CBLB: variants seen among roughly 807,000 people sequenced by gnomAD.
CBLB encodes Cbl proto-oncogene B.
Under a neutral mutation model 104.9 loss-of-function variants are expected in CBLB, and 31 were observed. The observed-to-expected ratio is 0.30, with a 90% CI of 0.22 to 0.40. The LOEUF is 0.40. CBLB is among the 10% of genes least tolerant of loss of function. The pLI, the probability that CBLB is intolerant of heterozygous loss-of-function variation, is 1.00. For synonymous variants in CBLB, 440 were observed against 422.6 expected (o/e 1.04, Z -0.51); for missense variants, 1,062 against 1,214.6 (o/e 0.87, Z 1.87).
intron 4 of CBLB, among the ~76,000 whole-genome samples, chr3:105,757,744 T>C (rs540271825): frequency 1.3e-4 from 20 of 152,350 alleles, no homozygotes; most frequent in Non-Finnish European, 2.5e-4. Context: ...TGTTTGTTTA[T>C]TGTTGGTTTG....
intron 3 of CBLB, among the ~76,000 whole-genome samples, chr3:105,799,033 T>C (rs1168095043): frequency 6.6e-6 from 1 of 152,006 alleles, no homozygotes; most frequent in Non-Finnish European, 1.5e-5. Flanking sequence ...AGGATGACAA[T>C]TAGTTGCTAA....
chr3:105,757,764 TGTGGTATTAGTG>T (rs1467599656), intron 4 of CBLB, among the ~76,000 whole-genome samples: 1 of 152,226 alleles, frequency 6.6e-6, no homozygotes, highest in Non-Finnish European at 1.5e-5. Flanking sequence ...GTTTTGTTGC[TGTGGTATTAGTG>T]GTGGCAGGTG....
chr3:105,744,870 C>T (rs1410656890), intron 6 of CBLB, among the ~76,000 whole-genome samples: 1 of 152,136 alleles, frequency 6.6e-6, no homozygotes, highest in African/African-American at 2.4e-5. Context: ...TCGAAGGTTG[C>T]AGTGAACAGA....
At chr3:105,667,625 A>G (rs948564517) in intron 18 of CBLB, among the ~76,000 whole-genome samples, 1 of 152,218 alleles carries the variant, frequency 6.6e-6, no homozygotes, top group East Asian at 1.9e-4. Context: ...AGGAATAAAC[A>G]TTTAGAAGGC....
intron 16 of CBLB, among the ~76,000 whole-genome samples, chr3:105,680,000 A>G (rs959060790): frequency 1.7e-4 from 26 of 152,116 alleles, no homozygotes; most frequent in Non-Finnish European, 1.5e-4. Flanking sequence ...ATGAAAATCA[A>G]AATTATAAGG....
intron 10 of CBLB, among the ~76,000 whole-genome samples, chr3:105,712,386 C>T (rs2071243027): frequency 6.6e-6 from 1 of 152,054 alleles, no homozygotes; most frequent in Admixed American, 6.6e-5. Flanking sequence ...GCTGCATAAC[C>T]AATTTTGAGA....
At chr3:105,864,149 G>C (rs1293657898) in intron 2 of CBLB, among the ~76,000 whole-genome samples, 1 of 152,126 alleles carries the variant, frequency 6.6e-6, no homozygotes, top group Non-Finnish European at 1.5e-5. Context: ...GAAAAACAAG[G>C]AGGATGTTCT....
intron 3 of CBLB, among the ~76,000 whole-genome samples, chr3:105,832,754 T>G (rs182568773): frequency 7.2e-5 from 11 of 152,250 alleles, no homozygotes; most frequent in Admixed American, 5.9e-4. Context: ...TCAAGATGAG[T>G]GCATTATCTA....
chr3:105,817,140 C>A (rs947799455), intron 3 of CBLB, among the ~76,000 whole-genome samples: 6 of 152,100 alleles, frequency 3.9e-5, no homozygotes, highest in Non-Finnish European at 8.8e-5. Flanking sequence ...GTAAAATAAA[C>A]CAGATTAAAA....
intron 3 of CBLB, among the ~76,000 whole-genome samples, chr3:105,802,455 A>G (rs1476366097): frequency 6.6e-6 from 1 of 152,256 alleles, no homozygotes; most frequent in African/African-American, 2.4e-5. Flanking sequence ...AGAGTTGCCA[A>G]CTAAAAACAT....
chr3:105,699,162 T>C (rs1487185408), intron 12 of CBLB, among the ~76,000 whole-genome samples: 1 of 152,172 alleles, frequency 6.6e-6, no homozygotes, highest in African/African-American at 2.4e-5. Flanking sequence ...ATTAACTTGG[T>C]TATTGAGTGC....
intron 18 of CBLB, among the ~76,000 whole-genome samples, chr3:105,663,936 T>C (rs1298753648): frequency 6.7e-6 from 1 of 149,640 alleles, no homozygotes; most frequent in Non-Finnish European, 1.5e-5. Context: ...AAAAGGCCCG[T>C]AGGCAGACCA....
chr3:105,796,528 T>A (rs2082276047), intron 3 of CBLB, among the ~76,000 whole-genome samples: 1 of 152,148 alleles, frequency 6.6e-6, no homozygotes, highest in Non-Finnish European at 1.5e-5. Flanking sequence ...GACATAGGAC[T>A]TAGCAAAGAT....
intron 3 of CBLB, among the ~76,000 whole-genome samples, chr3:105,814,968 C>T (rs989028797): frequency 7.3e-6 from 1 of 137,124 alleles, no homozygotes; most frequent in Admixed American, 8.4e-5. Context: ...TCACACAGTA[C>T]AGTCTCTCCA....
intron 3 of CBLB, among the ~76,000 whole-genome samples, chr3:105,827,318 T>G (rs1333541995): frequency 6.6e-6 from 1 of 152,034 alleles, no homozygotes; most frequent in Admixed American, 6.6e-5. Flanking sequence ...TTATGAAACT[T>G]TTTTTTTCCC....
chr3:105,681,928 T>A (rs1301784940), intron 14 of CBLB, 110 bp from the exon 15 acceptor site: 2 of 698,374 alleles, frequency 2.9e-6, no homozygotes, highest in Non-Finnish European at 5.0e-6. Context: ...AGTTTGAACA[T>A]ATATTTTTCT....
chr3:105,697,680 G>T (rs1214363343), intron 12 of CBLB, among the ~76,000 whole-genome samples: 1 of 151,842 alleles, frequency 6.6e-6, no homozygotes, highest in Non-Finnish European at 1.5e-5. Flanking sequence ...AGCCACAACT[G>T]CAAAAAGGGA....
chr3:105,779,410 G>T (rs1462042995), intron 3 of CBLB, among the ~76,000 whole-genome samples: 1 of 152,024 alleles, frequency 6.6e-6, no homozygotes, highest in Non-Finnish European at 1.5e-5. Flanking sequence ...TTTGGCTTTT[G>T]CACAAAATAA....
At chr3:105,832,787 T>C (rs185947285) in intron 3 of CBLB, among the ~76,000 whole-genome samples, 3 of 152,308 alleles carry the variant, frequency 2.0e-5, no homozygotes, top group East Asian at 1.9e-4. Context: ...TCAATCTGTA[T>C]TGAGTACCTA....
Sources: allele counts gnomAD v4.1 joint callset (sites outside exome capture counted in the v4.1 genomes callset), GRCh38; gene constraint gnomAD v4.1.1; transcripts MANE v1.5; gene names NCBI Gene and HGNC (gene_info 2026-07-23, HGNC 2026-07-21).